TMEM131L: variants seen among roughly 807,000 people sequenced by gnomAD.
TMEM131L encodes the protein transmembrane protein 131-like.
A neutral mutation model predicts 192.2 loss-of-function variants in TMEM131L; 54 were observed. The ratio of observed to expected loss-of-function variants is 0.28; its 90% CI spans 0.23 to 0.35. TMEM131L has a LOEUF of 0.35. TMEM131L is among the 10% of genes least tolerant of loss of function. TMEM131L has a pLI of 1.00. For missense variants in TMEM131L, 1,888 were observed against 1,972.9 expected (o/e 0.96, Z 0.82); for synonymous variants, 701 against 704.9 (o/e 0.99, Z 0.09).
intron 7 of TMEM131L, among the ~76,000 whole-genome samples, chr4:153,577,245 T>C (rs1730014285): frequency 6.6e-6 from 1 of 152,180 alleles, no homozygotes; most frequent in African/African-American, 2.4e-5. Context: ...GCCGGAGTTT[T>C]ATAGCGACAG....
At chr4:153,581,331 C>G in intron 8 of TMEM131L, 76 bp from the exon 9 acceptor site, 1 of 1,206,124 alleles carries the variant, frequency 8.3e-7, no homozygotes, top group Non-Finnish European at 1.1e-6. Context: ...AAATGCTTCT[C>G]CTTTCCTCCA....
intron 3 of TMEM131L, among the ~76,000 whole-genome samples, chr4:153,507,509 G>A (rs1405123057): frequency 6.6e-6 from 1 of 152,134 alleles, no homozygotes; most frequent in Non-Finnish European, 1.5e-5. Flanking sequence ...CCAAGAGTCT[G>A]GAACATCGTG....
At chr4:153,612,879 A>G (rs1225628529) in intron 26 of TMEM131L, among the ~76,000 whole-genome samples, 1 of 152,214 alleles carries the variant, frequency 6.6e-6, no homozygotes, top group Non-Finnish European at 1.5e-5. Context: ...AAAAGGGGAC[A>G]ATGTGTACAA....
At chr4:153,594,259 C>CT (rs2150870302) in intron 19 of TMEM131L, among the ~76,000 whole-genome samples, 1 of 152,258 alleles carries the variant, frequency 6.6e-6, no homozygotes, top group South Asian at 2.1e-4. Flanking sequence ...TCTTACTAAA[C>CT]TGTGTTCCTG....
chr4:153,528,724 C>T (rs973445854), intron 3 of TMEM131L, among the ~76,000 whole-genome samples: 7 of 152,150 alleles, frequency 4.6e-5, no homozygotes, highest in Non-Finnish European at 7.3e-5. Context: ...GCGTATGCCT[C>T]TGTTTCAGAG....
chr4:153,569,751 G>C (rs145524417), intron 7 of TMEM131L, among the ~76,000 whole-genome samples: 229 of 152,302 alleles, frequency 1.5e-3, no homozygotes, highest in African/African-American at 5.2e-3. Flanking sequence ...TGTAGCAATT[G>C]AATCAACCAA....
intron 3 of TMEM131L, among the ~76,000 whole-genome samples, chr4:153,498,427 C>T (rs563783863): frequency 6.6e-6 from 1 of 152,224 alleles, no homozygotes; most frequent in Non-Finnish European, 1.5e-5. Context: ...CATCCTGGAA[C>T]ATGTGTTTCA....
At chr4:153,532,984 C>CTTTTTTTTTTTTTTTTTTTTTTTTTTTT (rs70963190) in intron 3 of TMEM131L, among the ~76,000 whole-genome samples, 1 of 129,694 alleles carries the variant, frequency 7.7e-6, no homozygotes, top group African/African-American at 2.9e-5. Flanking sequence ...TTTCTCAATT[C>CTTTTTTTTTTTTTTTTTTTTTTTTTTTT]TTTTTTTTTT....
In TMEM131L at chr4:153,635,505, G is replaced by A. The variant is rs1343980827; in HGVS notation, c.4491G>A (p.Gln1497=). ...CAGACTTTATTGATCACAACTCTCA[G>A]TCTACCTGGAACACCCCACCCAACA... ...VQTDFIDHNS[Q]STWNTPPNMP... The change falls in exon 34 of 35, where the codon CAG becomes CAA. Residue 1497 remains glutamine (Q), a synonymous_variant. Coordinates refer to ENST00000409959, the MANE Select transcript of TMEM131L (RefSeq NM_001131007.2). 8 of 1,614,136 alleles carry A rather than the reference G, an allele frequency of 5.0e-6. No individual in the cohort carries two copies. The Admixed American group carries it at 1.3e-4, about 27-fold the overall frequency.
At chr4:153,467,762 A>G (rs1007956831) in intron 2 of TMEM131L, among the ~76,000 whole-genome samples, 4 of 152,360 alleles carry the variant, frequency 2.6e-5, no homozygotes, top group Non-Finnish European at 5.9e-5. Context: ...AATTCCTGTT[A>G]AAATACACCC....
intron 3 of TMEM131L, among the ~76,000 whole-genome samples, chr4:153,486,422 A>G (rs934900751): frequency 3.9e-5 from 6 of 152,238 alleles, no homozygotes; most frequent in Non-Finnish European, 8.8e-5. Flanking sequence ...GATTATTTTC[A>G]GCAGCAAGTA....
intron 3 of TMEM131L, among the ~76,000 whole-genome samples, chr4:153,487,575 A>G (rs1732428786): frequency 6.6e-6 from 1 of 152,126 alleles, no homozygotes; most frequent in Non-Finnish European, 1.5e-5. Context: ...TTTGGCAGAA[A>G]ACCTTGGCCC....
intron 3 of TMEM131L, among the ~76,000 whole-genome samples, chr4:153,534,155 A>C (rs1008408469): frequency 3.3e-5 from 5 of 152,242 alleles, no homozygotes; most frequent in African/African-American, 1.2e-4. Context: ...TCACTCAACA[A>C]ATGTTACCGA....
At chr4:153,497,293 A>G (rs1272317928) in intron 3 of TMEM131L, among the ~76,000 whole-genome samples, 3 of 152,160 alleles carry the variant, frequency 2.0e-5, no homozygotes, top group African/African-American at 7.2e-5. Flanking sequence ...GCATCATGAC[A>G]TCATTGAGCT....
At chr4:153,551,762 T>TG (rs764484063) in intron 4 of TMEM131L, among the ~76,000 whole-genome samples, 4 of 152,234 alleles carry the variant, frequency 2.6e-5, no homozygotes, top group Non-Finnish European at 4.4e-5. Context: ...TCTAGGTGTC[T>TG]GTTTTTTTGA....
intron 25 of TMEM131L, among the ~76,000 whole-genome samples, chr4:153,608,196 G>T (rs116085279): frequency 6.6e-5 from 10 of 152,250 alleles, no homozygotes; most frequent in African/African-American, 2.4e-4. Context: ...CTGCTTCGGA[G>T]AGGCCTGTAG....
chr4:153,534,127 G>C (rs1736128584), intron 3 of TMEM131L, among the ~76,000 whole-genome samples: 1 of 152,310 alleles, frequency 6.6e-6, no homozygotes, highest in Non-Finnish European at 1.5e-5. Context: ...AATGACACCG[G>C]TTTGGGAAGG....
chr4:153,552,943 G>C (rs1461577094), intron 4 of TMEM131L, among the ~76,000 whole-genome samples: 2 of 120,750 alleles, frequency 1.7e-5, no homozygotes, highest in Non-Finnish European at 3.2e-5. Flanking sequence ...GTTATTTTTT[G>C]TGTTTTTTTT....
chr4:153,501,950 T>G (rs1027993580), intron 3 of TMEM131L, among the ~76,000 whole-genome samples: 1 of 149,482 alleles, frequency 6.7e-6, no homozygotes, highest in African/African-American at 2.5e-5. Flanking sequence ...AGGGTTTTTT[T>G]TTTTTTTTTT....
Sources: gnomAD v4.1 joint callset for allele counts (sites outside exome capture counted in the v4.1 genomes callset) on GRCh38, gnomAD v4.1.1 for gene constraint, MANE v1.5 for transcripts, NCBI Gene and HGNC (gene_info 2026-07-23, HGNC 2026-07-21) for gene names.